CA8: variants seen among roughly 807,000 people sequenced by gnomAD.
CA8 encodes carbonic anhydrase 8 (inactive).
CA8 carries 22 observed loss-of-function variants against 41.4 expected under a neutral mutation model. That is an observed-to-expected ratio of 0.53 (90% CI 0.38 to 0.76). The LOEUF is 0.76. CA8 is among the 30% of genes least tolerant of loss of function. CA8 has a pLI of 0.00. For synonymous variants in CA8, 121 were observed against 130.6 expected (o/e 0.93, Z 0.50); for missense variants, 270 against 352.8 (o/e 0.77, Z 1.88).
At chr8:60,271,159 A>G (rs990163088) in intron 2 of CA8, among the ~76,000 whole-genome samples, 1 of 152,176 alleles carries the variant, frequency 6.6e-6, no homozygotes, top group Non-Finnish European at 1.5e-5. Context: ...CCTGGGTAAC[A>G]TAGCAAGACC....
intron 6 of CA8, 50 bp from the exon 7 acceptor site, chr8:60,222,811 A>T (rs1054629125): frequency 9.2e-7 from 1 of 1,089,832 alleles, no homozygotes; most frequent in African/African-American, 1.5e-5. Context: ...AATTAATAAC[A>T]ATCCTGATGA....
intron 3 of CA8, among the ~76,000 whole-genome samples, chr8:60,235,918 T>C (rs73245642): frequency 0.016 from 2,510 of 152,268 alleles, 78 homozygotes; most frequent in African/African-American, 0.058. Flanking sequence ...TTTTTGACAG[T>C]ACAGGGGCTG....
At chr8:60,203,920 T>C (rs1806503459) in intron 8 of CA8, among the ~76,000 whole-genome samples, 1 of 152,182 alleles carries the variant, frequency 6.6e-6, no homozygotes, top group African/African-American at 2.4e-5. Context: ...CAGGAAAGCA[T>C]ATTCATCATA....
chr8:60,266,199 T>A, intron 2 of CA8, 150 bp from the exon 3 acceptor site: 1 of 730,216 alleles, frequency 1.4e-6, no homozygotes, highest in South Asian at 1.9e-5. Context: ...ATCACAACTG[T>A]GAGGTGAATT....
chr8:60,278,615 G>C (rs1019138390), intron 2 of CA8, among the ~76,000 whole-genome samples: 4 of 152,136 alleles, frequency 2.6e-5, no homozygotes, highest in Non-Finnish European at 5.9e-5. Context: ...AACTGACTCT[G>C]ACTAAGTACA....
intron 3 of CA8, among the ~76,000 whole-genome samples, chr8:60,260,919 A>C (rs1335013818): frequency 1.3e-5 from 2 of 152,216 alleles, no homozygotes; most frequent in Non-Finnish European, 2.9e-5. Context: ...ACTATTAACC[A>C]GGCAAACTCT....
At chr8:60,264,833 G>A (rs1230686698) in intron 3 of CA8, 1 of 152,064 alleles carries the variant, frequency 6.6e-6, no homozygotes, top group African/African-American at 2.4e-5. Flanking sequence ...TATAATTACA[G>A]TAATGCTGTC....
intron 5 of CA8, among the ~76,000 whole-genome samples, chr8:60,225,264 C>T (rs1227556727): frequency 6.6e-6 from 1 of 152,128 alleles, no homozygotes; most frequent in East Asian, 1.9e-4. Context: ...ATAGTCCTGT[C>T]ATGTGACTCA....
intron 8 of CA8, among the ~76,000 whole-genome samples, chr8:60,205,949 T>C (rs1382919785): frequency 1.3e-5 from 2 of 152,214 alleles, no homozygotes; most frequent in African/African-American, 4.8e-5. Flanking sequence ...TCAAATCATT[T>C]CACTTTAATA....
intron 7 of CA8, among the ~76,000 whole-genome samples, chr8:60,216,131 C>A (rs1807014031): frequency 6.6e-6 from 1 of 152,180 alleles, no homozygotes; most frequent in Non-Finnish European, 1.5e-5. Flanking sequence ...CTTGAGGCTT[C>A]TCAATTTTTC....
rs1196793566 is a variant in CA8 at position 60,226,906 on chromosome 8, A to C, written c.543T>G (p.Ala181=). Residue 181 remains alanine (A), a synonymous_variant, in exon 5 of 9, where the codon GCT becomes GCG. Coordinates refer to ENST00000317995, the MANE Select transcript of CA8 (RefSeq NM_004056.6). ...QIGKEHVGLK[A]VTEILQDIQY... The stretch of plus-strand genomic sequence containing the variant: ...GAATATCTTGGAGGATTTCAGTCAC[A>C]GCCTTCAAGCCAACATGTTCCTTTC... 6.2e-7 allele frequency: 1 copy of C among 1,603,860 alleles called. No homozygotes were observed.
intron 2 of CA8, among the ~76,000 whole-genome samples, chr8:60,278,991 T>G (rs1490501135): frequency 6.6e-6 from 1 of 152,234 alleles, no homozygotes; most frequent in African/African-American, 2.4e-5. Flanking sequence ...TCTGATTTCC[T>G]CTTTCCTACG....
At chr8:60,223,656 A>G (rs1009782980) in intron 6 of CA8, among the ~76,000 whole-genome samples, 8 of 152,242 alleles carry the variant, frequency 5.3e-5, no homozygotes, top group African/African-American at 1.7e-4. Flanking sequence ...TACTAAAATC[A>G]TATTACAATA....
intron 3 of CA8, among the ~76,000 whole-genome samples, chr8:60,253,478 T>A (rs1252593441): frequency 1.2e-4 from 18 of 152,164 alleles, no homozygotes; most frequent in Admixed American, 1.2e-3. Context: ...CCATTTATCC[T>A]CAACTGCATC....
chr8:60,191,921 A>T (rs1402735617), intron 8 of CA8, among the ~76,000 whole-genome samples: 4 of 152,188 alleles, frequency 2.6e-5, no homozygotes, highest in Non-Finnish European at 5.9e-5. Context: ...TTCATTTTTG[A>T]AGCTCTCAGG....
intron 8 of CA8, among the ~76,000 whole-genome samples, chr8:60,196,032 T>C (rs1259923387): frequency 6.6e-6 from 1 of 152,120 alleles, no homozygotes; most frequent in Non-Finnish European, 1.5e-5. Flanking sequence ...TCTGGAGTAC[T>C]AGATAATGAA....
chr8:60,278,868 T>G (rs944505135), intron 2 of CA8, among the ~76,000 whole-genome samples: 2 of 152,248 alleles, frequency 1.3e-5, no homozygotes, highest in Non-Finnish European at 2.9e-5. Context: ...GAGCACAGTC[T>G]CTATTTATCA....
At chr8:60,230,907 T>C (rs1807625932) in intron 4 of CA8, among the ~76,000 whole-genome samples, 1 of 152,178 alleles carries the variant, frequency 6.6e-6, no homozygotes, top group Non-Finnish European at 1.5e-5. Context: ...CACAAATATT[T>C]ATTGAGTACC....
chr8:60,222,529 TC>T lies in CA8; in HGVS notation c.738+119del, dbSNP rs1413265449. ...TTCACTAGTTCAAGCCATTTAACTT[TC>T]ATCTGGAAAGGTATGACTGATCTAC... On this transcript the variant is annotated intron_variant, in intron 7 of 8. Coordinates refer to ENST00000317995, the MANE Select transcript of CA8 (RefSeq NM_004056.6). 7 of 719,298 alleles carry T rather than the reference TC, an allele frequency of 9.7e-6. No individual in the cohort carries two copies. In the African/African-American group the frequency reaches 1.2e-4, roughly 13 times the overall value. The allele number at this position is 719,298 out of a possible 1,614,324, so 44.6% of individuals were successfully genotyped here. A position where few individuals can be genotyped will look rare whatever the true frequency, so the allele number is the denominator to read the frequency against.
Sources: allele counts gnomAD v4.1 joint callset (sites outside exome capture counted in the v4.1 genomes callset), GRCh38; gene constraint gnomAD v4.1.1; transcripts MANE v1.5; gene names NCBI Gene and HGNC (gene_info 2026-07-23, HGNC 2026-07-21).